The following MEF2A variants were observed in gnomAD, a reference collection of about 807,000 sequenced individuals.
The protein encoded by MEF2A is myocyte-specific enhancer factor 2A.
In MEF2A, 28 loss-of-function variants were observed where a neutral mutation model predicts 55.8. The observed-to-expected ratio is 0.50, with a 90% CI of 0.37 to 0.69. The LOEUF is 0.69. Ranked by LOEUF, MEF2A falls within the 30% of genes least tolerant of loss-of-function variation. MEF2A has a pLI of 0.00. For missense variants in MEF2A, 528 were observed against 626.2 expected (o/e 0.84, Z 1.67); for synonymous variants, 239 against 227.1 (o/e 1.05, Z -0.47).
At chr15:99,611,070 C>T (rs1216894363) in intron 2 of MEF2A, among the ~76,000 whole-genome samples, 1 of 152,144 alleles carries the variant, frequency 6.6e-6, no homozygotes, top group Non-Finnish European at 1.5e-5. Context: ...GGTGAAACCC[C>T]ATCCCTACTA....
Position 99,675,465 on chromosome 15 carries a change from G to A in MEF2A, c.670+7G>A. 6.2e-7 allele frequency: 1 copy of A among 1,612,006 alleles called. No homozygotes were observed. Reference sequence around the variant, plus strand: ...GCTGGAAGCAGTCCAGTGGGTGAGTGAATTCCTACTCTTCTGTTTTGTAGG... The same window carrying A: ...GCTGGAAGCAGTCCAGTGGGTGAGTAAATTCCTACTCTTCTGTTTTGTAGG... On this transcript the variant is annotated splice_region_variant and intron_variant, in intron 7 of 11. Coordinates refer to ENST00000557942, the MANE Select transcript of MEF2A (RefSeq NM_001319206.4).
At chr15:99,708,714 G>A (rs757643961) in intron 10 of MEF2A, among the ~76,000 whole-genome samples, 1 of 152,196 alleles carries the variant, frequency 6.6e-6, no homozygotes, top group Non-Finnish European at 1.5e-5. Flanking sequence ...TGAAGCCTGG[G>A]GGGAAGGCAC....
intron 2 of MEF2A, among the ~76,000 whole-genome samples, chr15:99,601,228 A>G (rs1361453714): frequency 2.6e-5 from 4 of 152,196 alleles, no homozygotes; most frequent in Admixed American, 2.6e-4. Context: ...ATTTTTATAT[A>G]AAACTTTATA....
intron 1 of MEF2A, among the ~76,000 whole-genome samples, chr15:99,574,792 G>A (rs911964608): frequency 1.3e-5 from 2 of 152,178 alleles, no homozygotes; most frequent in African/African-American, 4.8e-5. Flanking sequence ...ACTGATCTAT[G>A]GCCCCGGGGT....
intron 2 of MEF2A, among the ~76,000 whole-genome samples, chr15:99,621,379 T>G (rs1360132052): frequency 2.0e-5 from 3 of 152,338 alleles, no homozygotes; most frequent in African/African-American, 2.4e-5. Flanking sequence ...CTCATTTTTT[T>G]TTTCTTAGAC....
At chr15:99,602,807 G>T (rs1973780988) in intron 2 of MEF2A, among the ~76,000 whole-genome samples, 1 of 148,882 alleles carries the variant, frequency 6.7e-6, no homozygotes, top group Non-Finnish European at 1.5e-5. Flanking sequence ...TGTAGGGGTG[G>T]GGAGCTTTTC....
At chr15:99,707,358 T>C (rs2058150452) in intron 10 of MEF2A, among the ~76,000 whole-genome samples, 1 of 152,206 alleles carries the variant, frequency 6.6e-6, no homozygotes, top group Admixed American at 6.5e-5. Flanking sequence ...AACCACTAGC[T>C]TGGTCCATGT....
intron 1 of MEF2A, chr15:99,566,402 C>T (rs1478301981): frequency 1.8e-5 from 1 of 54,094 alleles, no homozygotes; most frequent in Non-Finnish European, 3.7e-5. Flanking sequence ...AGCTAGGCGC[C>T]CGGGGAGGTG....
At chr15:99,593,481 TGAG>T (rs1358209601) in intron 1 of MEF2A, among the ~76,000 whole-genome samples, 1 of 152,168 alleles carries the variant, frequency 6.6e-6, no homozygotes, top group African/African-American at 2.4e-5. Flanking sequence ...TCTTAAGGCA[TGAG>T]GAGTTGGGTG....
At position 99,712,459 on chromosome 15, in the gene MEF2A, C is replaced by T. The variant is rs1022155681; in HGVS notation, c.1206C>T (p.Ser402=). 8 of 1,551,580 alleles carry T rather than the reference C, an allele frequency of 5.2e-6. No homozygotes were observed. Among genetic ancestry groups the T allele is most frequent in the South Asian group, 2.4e-5 (2 of 84,016 alleles). Residue 402 remains serine, a synonymous_variant, in exon 12 of 12, where the codon TCC becomes TCT. Coordinates refer to ENST00000557942, the MANE Select transcript of MEF2A (RefSeq NM_001319206.4). The surrounding 1 kb of genome is among the most constrained non-coding windows in gnomAD (Gnocchi z 4.1). Reference sequence around the variant, plus strand: ...CCAACCAAAACATCAGCATCAAGTCCGAACCGATTTCACCTCCTCGGGATC... The same window carrying T: ...CCAACCAAAACATCAGCATCAAGTCTGAACCGATTTCACCTCCTCGGGATC... ...INTNQNISIK[S]EPISPPRDRM...
At chr15:99,705,774 T>C (rs973050469) in intron 9 of MEF2A, among the ~76,000 whole-genome samples, 16 of 152,256 alleles carry the variant, frequency 1.1e-4, no homozygotes, top group African/African-American at 3.9e-4. Context: ...AATTATACTT[T>C]ACTGATTTGG....
At chr15:99,625,225 A>G (rs992010036) in intron 2 of MEF2A, among the ~76,000 whole-genome samples, 6 of 152,094 alleles carry the variant, frequency 3.9e-5, no homozygotes, top group African/African-American at 1.4e-4. Flanking sequence ...TTGTAAATTG[A>G]ATTTTCTTGT....
intron 4 of MEF2A, among the ~76,000 whole-genome samples, chr15:99,655,677 T>G (rs553269047): frequency 6.6e-6 from 1 of 152,164 alleles, no homozygotes; most frequent in African/African-American, 2.4e-5. Context: ...GCAATTCCAT[T>G]TGGTTTGAAT....
chr15:99,682,613 C>T (rs566353066), intron 7 of MEF2A, among the ~76,000 whole-genome samples: 18 of 152,284 alleles, frequency 1.2e-4, no homozygotes, highest in African/African-American at 3.8e-4. Flanking sequence ...TTAGCTTCAG[C>T]CTGGCAAGTT....
intron 7 of MEF2A, among the ~76,000 whole-genome samples, chr15:99,679,067 G>A (rs568256922): frequency 8.5e-5 from 13 of 152,270 alleles, no homozygotes; most frequent in African/African-American, 3.1e-4. Flanking sequence ...GAATTGCTAA[G>A]ATGAAATAGA....
rs1424410847 is a variant in MEF2A at position 99,691,036 on chromosome 15, G to A, written c.858+608G>A. 2.7e-5 allele frequency among the ~76,000 whole-genome samples: 4 copies of A among 150,558 alleles called. No individual in the cohort carries two copies. In the East Asian group the frequency reaches 5.9e-4, roughly 22 times the overall value. ...CAAACACCCTGACCTGGATCATTAC[G>A]CATTCTATGAATGTAACAAATATTC... On this transcript the variant is annotated intron_variant, in intron 8 of 11. Transcript: ENST00000557942.
In MEF2A at chr15:99,706,804, T is replaced by C; in HGVS notation, c.958T>C (p.Leu320=). Residue 320 remains leucine, a synonymous_variant, in exon 10 of 12, where the codon TTG becomes CTG. Coordinates refer to ENST00000557942, the MANE Select transcript of MEF2A (RefSeq NM_001319206.4). ...TPVVSVTTPS[L]PPQGLVYSAM... ...AGTCGTGTCTGTGACAACCCCAAGCTTGCCTCCGCAAGGACTTGTGTACTC... is the reference window on the plus strand; with the variant it reads ...AGTCGTGTCTGTGACAACCCCAAGCCTGCCTCCGCAAGGACTTGTGTACTC... The C allele has an allele frequency of 6.2e-7, 1 of 1,614,010 alleles. No homozygotes were observed. The highest frequency in any genetic ancestry group is 8.5e-7 in the Non-Finnish European group (1 of 1,179,874).
chr15:99,694,142 A>G (rs185748472), intron 8 of MEF2A, among the ~76,000 whole-genome samples: 1 of 152,274 alleles, frequency 6.6e-6, no homozygotes, highest in East Asian at 1.9e-4. Flanking sequence ...TGACTGTGAG[A>G]GTTTCTAAGA....
intron 3 of MEF2A, among the ~76,000 whole-genome samples, chr15:99,638,088 C>T (rs556826000): frequency 2.6e-5 from 4 of 152,270 alleles, no homozygotes; most frequent in African/African-American, 9.6e-5. Flanking sequence ...AATGTCTATT[C>T]AAATCCTTTG....
Sources: allele counts gnomAD v4.1 joint callset (sites outside exome capture counted in the v4.1 genomes callset), GRCh38; gene constraint gnomAD v4.1.1; non-coding constraint Gnocchi (gnomAD v3.1); transcripts MANE v1.5; gene names NCBI Gene and HGNC (gene_info 2026-07-23, HGNC 2026-07-21).